The following STAT1 variants were observed in gnomAD, a reference collection of about 807,000 sequenced individuals.
STAT1 encodes signal transducer and activator of transcription 1-alpha/beta.
Under a neutral mutation model 111.7 loss-of-function variants are expected in STAT1, and 24 were observed. That is an observed-to-expected ratio of 0.21 (90% CI 0.16 to 0.30). STAT1 has a LOEUF of 0.30. STAT1 is among the 10% of genes least tolerant of loss of function. The pLI is 1.00. For missense variants in STAT1, 351 were observed against 911.9 expected, an observed-to-expected ratio of 0.38 and a Z score of 7.92; for synonymous variants, 332 against 326.5, an observed-to-expected ratio of 1.02 and a Z score of -0.18.
chr2:190,984,249 C>A lies in STAT1; in HGVS notation c.1347+61G>T. On this transcript the variant is annotated intron_variant, in intron 16 of 24. Coordinates refer to ENST00000361099, the MANE Select transcript of STAT1 (RefSeq NM_007315.4). The surrounding 1 kb of genome is among the most constrained non-coding windows in gnomAD (Gnocchi z 5.2). ...GAACAAACACTGAGAAATAAAAATA[C>A]ATGTAACAATTAAAAGTAAAAATAA... is the stretch of plus-strand genomic sequence containing the variant. The A allele has an allele frequency of 7.6e-7, 1 of 1,323,118 alleles. No homozygotes were observed. Among genetic ancestry groups the A allele is most frequent in the Non-Finnish European group, 1.1e-6 (1 of 918,554 alleles). 82.0% of individuals were successfully genotyped at this position (1,323,118 alleles called of 1,614,324 possible).
chr2:190,989,161 T>G lies in STAT1; in HGVS notation c.1097+454A>C, dbSNP rs1693115756. Among the ~76,000 whole-genome samples the G allele has an allele frequency of 6.6e-6, 1 of 152,188 alleles. No individual in the cohort carries two copies. Among genetic ancestry groups the G allele is most frequent in the African/African-American group, 2.4e-5 (1 of 41,446 alleles). ...CCACAGAATCATGGCAGCCTGGACG[T>G]TCAGCCTCGGGTTGGATCAGGGGCC... On this transcript the variant is annotated intron_variant, in intron 12 of 24. Coordinates refer to ENST00000361099, the MANE Select transcript of STAT1 (RefSeq NM_007315.4). This position sits in a 1 kb window ranked among gnomAD's most constrained non-coding sequence, Gnocchi z 5.0.
Position 190,973,200 on chromosome 2 carries a change from C to T in STAT1, c.2238+1630G>A, listed in dbSNP as rs1157484572. Among the ~76,000 whole-genome samples, 2 of 152,134 alleles carry T rather than the reference C, an allele frequency of 1.3e-5. No homozygotes were observed. The highest frequency in any genetic ancestry group is 2.4e-5 in the African/African-American group (1 of 41,424). ...CTGTACAAACAGCTTCTTCAGGGTGCATGTTTTGAATGGGGCAAAGATTAG... is the reference window on the plus strand; with the variant it reads ...CTGTACAAACAGCTTCTTCAGGGTGTATGTTTTGAATGGGGCAAAGATTAG... On this transcript the variant is annotated intron_variant, in intron 24 of 24. Coordinates refer to ENST00000361099, the MANE Select transcript of STAT1 (RefSeq NM_007315.4). The surrounding 1 kb of genome is among the most constrained non-coding windows in gnomAD (Gnocchi z 4.4).
At position 190,998,166 on chromosome 2, in the gene STAT1, T is replaced by C. The variant is rs936496673; in HGVS notation, c.633+51A>G. On this transcript the variant is annotated intron_variant, in intron 8 of 24. Transcript: ENST00000361099. The surrounding 1 kb of genome is among the most constrained non-coding windows in gnomAD (Gnocchi z 4.1). ...TCTCTTCTAAACTTTGAGTCCATTA[T>C]TTACAGTGTATAACAAAAGTGGCAT... The C allele has an allele frequency of 5.1e-6, 8 of 1,577,712 alleles. No homozygotes were observed. In the Admixed American group the frequency reaches 6.7e-5, roughly 13 times the overall value.
At chr2:191,011,418 TGTGTGTG>T (rs1396269538) in intron 2 of STAT1, among the ~76,000 whole-genome samples, 1 of 152,074 alleles carries the variant, frequency 6.6e-6, no homozygotes, top group Non-Finnish European at 1.5e-5. Context: ...CAACAAGGTG[TGTGTGTG>T]TGTGTTTAGT....
In STAT1 at chr2:190,993,182, G is replaced by A. The variant is rs1693519142; in HGVS notation, c.945-1862C>T. ...TGTGTAGTCTACTACTTTCTCTGTGGTCAGATCACACTTGTTCCCTACCAA... is the reference window on the plus strand; with the variant it reads ...TGTGTAGTCTACTACTTTCTCTGTGATCAGATCACACTTGTTCCCTACCAA... On this transcript the variant is annotated intron_variant, in intron 10 of 24. Transcript: ENST00000361099. The surrounding 1 kb of genome is among the most constrained non-coding windows in gnomAD (Gnocchi z 4.1). 1.9e-6 allele frequency: 1 copy of A among 513,982 alleles called. No homozygotes were observed. The highest frequency in any genetic ancestry group is 1.9e-5 in the African/African-American group (1 of 51,452). 31.8% of individuals were successfully genotyped at this position (513,982 alleles called of 1,614,324 possible). A position where few individuals can be genotyped will look rare whatever the true frequency, so the allele number is the denominator to read the frequency against.
Position 191,003,911 on chromosome 2 carries a change from AATGACC to A in STAT1, c.373-2754_373-2749del, listed in dbSNP as rs1694480255. Reference sequence around the variant, plus strand: ...TTCTGACTTCCCAGGCCTCCTCCCAAATGACCAAGGCTCGGTTTAGAGAACAGGGAT... The same window carrying A: ...TTCTGACTTCCCAGGCCTCCTCCCAAAAGGCTCGGTTTAGAGAACAGGGAT... On this transcript the variant is annotated intron_variant, in intron 5 of 24. Transcript: ENST00000361099. The surrounding 1 kb of genome is among the most constrained non-coding windows in gnomAD (Gnocchi z 4.0). Among the ~76,000 whole-genome samples, 1 of 152,204 alleles carries A rather than the reference AATGACC, an allele frequency of 6.6e-6. No homozygotes were observed. Among genetic ancestry groups the A allele is most frequent in the Non-Finnish European group, 1.5e-5 (1 of 68,034 alleles).
intron 10 of STAT1, 73 bp from the exon 11 acceptor site, chr2:190,991,393 G>T: frequency 6.9e-7 from 1 of 1,457,862 alleles, no homozygotes; most frequent in Non-Finnish European, 9.5e-7. Flanking sequence ...TGATTTTCCT[G>T]AAAGAAAAAA....
rs1209269373 is a variant in STAT1 at position 190,984,399 on chromosome 2, A to G, written c.1264-6T>C. On this transcript the variant is annotated splice_region_variant and splice_polypyrimidine_tract_variant and intron_variant, in intron 15 of 24. Transcript: ENST00000361099. This position sits in a 1 kb window ranked among gnomAD's most constrained non-coding sequence, Gnocchi z 5.2. Reference sequence around the variant, plus strand: ...TCAGTAACGATGAGAGGACCCTTGGAAGAGAAAAGGAAAGAAGAAAAGAAT... The same window carrying G: ...TCAGTAACGATGAGAGGACCCTTGGGAGAGAAAAGGAAAGAAGAAAAGAAT... 1 of 1,610,416 alleles carries G rather than the reference A, an allele frequency of 6.2e-7. No individual in the cohort carries two copies. The highest frequency in any genetic ancestry group is 8.5e-7 in the Non-Finnish European group (1 of 1,176,642).
chr2:191,008,304 T>C (rs556882572), intron 4 of STAT1, among the ~76,000 whole-genome samples: 1 of 152,152 alleles, frequency 6.6e-6, no homozygotes, highest in East Asian at 1.9e-4. Context: ...AAGAAGAAAA[T>C]GATAGCTTTC....
At chr2:190,994,704 T>C (rs949635438) in intron 10 of STAT1, among the ~76,000 whole-genome samples, 2 of 151,870 alleles carry the variant, frequency 1.3e-5, no homozygotes, top group Non-Finnish European at 2.9e-5. Flanking sequence ...GCAGATCACC[T>C]GAGTTCAGGA....
Position 190,978,801 on chromosome 2 carries a change from A to G in STAT1, c.1873+55T>C, listed in dbSNP as rs1197549183. On this transcript the variant is annotated intron_variant, in intron 21 of 24. Coordinates refer to ENST00000361099, the MANE Select transcript of STAT1 (RefSeq NM_007315.4). This position sits in a 1 kb window ranked among gnomAD's most constrained non-coding sequence, Gnocchi z 6.1. ...TGTATGAGCTGACTGGCGGCGATGA[A>G]GAGGGACTTCACACACATGGAATGG... The G allele has an allele frequency of 1.1e-5, 18 of 1,606,702 alleles. No individual in the cohort carries two copies. Among genetic ancestry groups the G allele is most frequent in the Admixed American group, 1.7e-5 (1 of 59,368 alleles).
intron 12 of STAT1, among the ~76,000 whole-genome samples, chr2:190,988,568 C>T (rs1409133911): frequency 1.3e-5 from 2 of 152,072 alleles, no homozygotes; most frequent in East Asian, 1.9e-4. Flanking sequence ...TTCGTAGAGA[C>T]GGGGTTTCGC....
rs1692931621 is a variant in STAT1 at position 190,987,292 on chromosome 2, C to G, written c.1098-224G>C. ...CCTTTGGCAAATAAATGGTCTGGGCCTTACATTGTTCATTTGCACAACATA... is the reference window on the plus strand; with the variant it reads ...CCTTTGGCAAATAAATGGTCTGGGCGTTACATTGTTCATTTGCACAACATA... On this transcript the variant is annotated intron_variant, in intron 12 of 24. Transcript: ENST00000361099. The surrounding 1 kb of genome is among the most constrained non-coding windows in gnomAD (Gnocchi z 4.0). 6.6e-6 allele frequency among the ~76,000 whole-genome samples: 1 copy of G among 152,178 alleles called. No homozygotes were observed.
chr2:190,988,860 C>A lies in STAT1; in HGVS notation c.1097+755G>T, dbSNP rs574524220. Among the ~76,000 whole-genome samples the A allele has an allele frequency of 2.0e-5, 3 of 148,322 alleles. No individual in the cohort carries two copies. The South Asian group carries it at 6.5e-4, about 32-fold the overall frequency. ...GATCATAAATCATTTTTGAAACTTG[C>A]CAAAACAGTATGTGACACAAGCTAA... On this transcript the variant is annotated intron_variant, in intron 12 of 24. Transcript: ENST00000361099.
Position 190,995,038 on chromosome 2 carries a change from C to A in STAT1, c.944+23G>T, listed in dbSNP as rs1183427280. ...CTGTATAGACCGATTACAGAAGGTA[C>A]AAATAAATGTCCCTTGAGTTACCTC... On this transcript the variant is annotated intron_variant, in intron 10 of 24. Coordinates refer to ENST00000361099, the MANE Select transcript of STAT1 (RefSeq NM_007315.4). This position sits in a 1 kb window ranked among gnomAD's most constrained non-coding sequence, Gnocchi z 4.2. The A allele has an allele frequency of 3.7e-5, 59 of 1,608,830 alleles. No individual in the cohort carries two copies. Among genetic ancestry groups the A allele is most frequent in the Non-Finnish European group, 4.8e-5 (57 of 1,177,774 alleles).
At chr2:191,009,769 T>C (rs1156759376) in intron 3 of STAT1, 107 bp downstream of exon 3, 8 of 1,405,988 alleles carry the variant, frequency 5.7e-6, no homozygotes, top group Non-Finnish European at 8.0e-6. Context: ...ATAATTCCAG[T>C]GGCCATTGAT....
chr2:190,976,896 T>A lies in STAT1; in HGVS notation c.2003A>T (p.Tyr668Phe), dbSNP rs771679419. ...NIPENPLKYL[Y>F]PNIDKDHAFG... ...GGCATGGTCTTTGTCAATATTTGGA[T>A]ACAGATACTTCAGGGGATTCTCAGG... Residue 668 changes from tyrosine to phenylalanine, a missense_variant, in exon 22 of 25, where the codon TAT becomes TTT. Physicochemically the swap from Tyr to Phe is conservative, Grantham distance 22. Around this residue, in one of 7 missense-constraint regions of STAT1, gnomAD observed 181 missense variants for 426.1 expected, o/e 0.42. Transcript: ENST00000361099. This position sits in a 1 kb window ranked among gnomAD's most constrained non-coding sequence, Gnocchi z 6.0. 6 of 1,614,098 alleles carry A rather than the reference T, an allele frequency of 3.7e-6. No homozygotes were observed. The highest frequency in any genetic ancestry group is 4.2e-6 in the Non-Finnish European group (5 of 1,180,038).
rs1052561289 is a variant in STAT1, at chr2:190,973,275, A to C, written c.2238+1555T>G. On this transcript the variant is annotated intron_variant, in intron 24 of 24. Coordinates refer to ENST00000361099, the MANE Select transcript of STAT1 (RefSeq NM_007315.4). This position sits in a 1 kb window ranked among gnomAD's most constrained non-coding sequence, Gnocchi z 4.4. Reference sequence around the variant, plus strand: ...TACCGGACAAAAGCATGCACTAGAGACTCACTAGGTAGATTCAAATATTCT... The same window carrying C: ...TACCGGACAAAAGCATGCACTAGAGCCTCACTAGGTAGATTCAAATATTCT... Among the ~76,000 whole-genome samples the C allele has an allele frequency of 1.3e-5, 2 of 152,070 alleles. No homozygotes were observed. Among genetic ancestry groups the C allele is most frequent in the Admixed American group, 1.3e-4 (2 of 15,284 alleles).
In STAT1 at chr2:191,007,431, A is replaced by C; in HGVS notation, c.372+132T>G. The C allele has an allele frequency of 1.4e-6, 1 of 699,904 alleles. No homozygotes were observed. The highest frequency in any genetic ancestry group is 2.4e-6 in the Non-Finnish European group (1 of 410,076). 43.4% of individuals were successfully genotyped at this position (699,904 alleles called of 1,614,324 possible). Reference sequence around the variant, plus strand: ...TGGTTCTATAAAATCTCTAAATCTGATTCTCCCACTTCTTGGGGCTATAAA... The same window carrying C: ...TGGTTCTATAAAATCTCTAAATCTGCTTCTCCCACTTCTTGGGGCTATAAA... On this transcript the variant is annotated intron_variant, in intron 5 of 24. Transcript: ENST00000361099. The surrounding 1 kb of genome is among the most constrained non-coding windows in gnomAD (Gnocchi z 4.2).
Sources: gnomAD v4.1 joint callset for allele counts (sites outside exome capture counted in the v4.1 genomes callset) on GRCh38, gnomAD v4.1.1 for gene constraint, gnomAD v4.1.1 regional missense constraint, Gnocchi (gnomAD v3.1) non-coding constraint, MANE v1.5 for transcripts, NCBI Gene and HGNC (gene_info 2026-07-23, HGNC 2026-07-21) for gene names.